The following KCNIP4 variants were observed in gnomAD, a reference collection of about 807,000 sequenced individuals.
KCNIP4 encodes potassium voltage-gated channel interacting protein 4.
KCNIP4 carries 12 observed loss-of-function variants against 34.0 expected under a neutral mutation model. The observed-to-expected ratio is 0.35, with a 90% confidence interval of 0.23 to 0.57. The LOEUF is 0.57. Ranked by LOEUF, KCNIP4 falls within the 20% of genes least tolerant of loss-of-function variation. The pLI is 0.83. For missense variants in KCNIP4, 238 were observed against 311.7 expected, an observed-to-expected ratio of 0.76 and a Z score of 1.78; for synonymous variants, 124 against 102.2, an observed-to-expected ratio of 1.21 and a Z score of -1.29.
In KCNIP4 at chr4:21,400,488, C is replaced by CTCTCCTCTCT. The variant is rs945392438; in HGVS notation, c.62-517780_62-517779insAGAGAGGAGA. On this transcript the variant is annotated intron_variant, in intron 1 of 8. Transcript: ENST00000382152. ...TGTTCCTCTCCTCTCCTCTCCTCTCCTCTCCCCTCCCTTCCCCTCCCTTCC... is the reference window on the plus strand; with the variant it reads ...TGTTCCTCTCCTCTCCTCTCCTCTCCTCTCCTCTCTTCTCCCCTCCCTTCCCCTCCCTTCC... 4.0e-4 allele frequency among the ~76,000 whole-genome samples: 48 copies of CTCTCCTCTCT among 120,064 alleles called. 5 individuals are homozygous for CTCTCCTCTCT. The highest frequency in any genetic ancestry group is 2.1e-3 in the African/African-American group (47 of 22,234). 78.8% of individuals were successfully genotyped at this position (120,064 alleles called of 152,430 possible). A position where few individuals can be genotyped will look rare whatever the true frequency, so the allele number is the denominator to read the frequency against.
intron 1 of KCNIP4, among the ~76,000 whole-genome samples, chr4:20,924,384 A>G (rs1777909414): frequency 6.6e-6 from 1 of 152,214 alleles, no homozygotes; most frequent in African/African-American, 2.4e-5. Flanking sequence ...GAACTTTGAG[A>G]TGCTCATGAT....
intron 1 of KCNIP4, among the ~76,000 whole-genome samples, chr4:21,616,147 C>T (rs893813964): frequency 1.3e-5 from 2 of 152,202 alleles, no homozygotes; most frequent in African/African-American, 4.8e-5. Flanking sequence ...CCTCTTGCAT[C>T]TTCATCATGC....
At chr4:21,811,022 T>C (rs1270097579) in intron 1 of KCNIP4, among the ~76,000 whole-genome samples, 1 of 152,196 alleles carries the variant, frequency 6.6e-6, no homozygotes, top group Non-Finnish European at 1.5e-5. Context: ...CACTTTACTC[T>C]TACTATAAGG....
intron 1 of KCNIP4, among the ~76,000 whole-genome samples, chr4:21,430,759 G>A (rs1218536111): frequency 7.2e-6 from 1 of 139,284 alleles, no homozygotes; most frequent in Non-Finnish European, 1.5e-5. Flanking sequence ...CTTACCCAAG[G>A]TCATTGAGGT....
At chr4:21,105,445 T>G (rs910813015) in intron 1 of KCNIP4, among the ~76,000 whole-genome samples, 5 of 151,730 alleles carry the variant, frequency 3.3e-5, no homozygotes, top group African/African-American at 9.8e-5. Context: ...CACATCAATT[T>G]TGTATCCTGA....
chr4:21,234,502 T>C (rs1460320493), intron 1 of KCNIP4, among the ~76,000 whole-genome samples: 1 of 122,898 alleles, frequency 8.1e-6, no homozygotes, highest in Non-Finnish European at 1.6e-5. Context: ...TAATATATAT[T>C]ACATATAACG....
chr4:21,427,702 TAGA>T (rs766889298), intron 1 of KCNIP4, among the ~76,000 whole-genome samples: 6 of 152,054 alleles, frequency 3.9e-5, no homozygotes, highest in South Asian at 2.1e-4. Context: ...ATGAATACAG[TAGA>T]AGGAGTGAGT....
At chr4:21,670,460 T>C (rs1338919884) in intron 1 of KCNIP4, among the ~76,000 whole-genome samples, 2 of 149,368 alleles carry the variant, frequency 1.3e-5, no homozygotes, top group African/African-American at 4.9e-5. Flanking sequence ...TTGGGAGATA[T>C]ACCTAATGCT....
At chr4:21,099,001 C>T (rs544501715) in intron 1 of KCNIP4, among the ~76,000 whole-genome samples, 9 of 152,252 alleles carry the variant, frequency 5.9e-5, no homozygotes, top group East Asian at 1.9e-4. Context: ...GAAAAAGGAA[C>T]GCTTTTGCAC....
Position 20,903,152 on chromosome 4 carries a change from G to A in KCNIP4, c.62-20443C>T, listed in dbSNP as rs562567346. ...GAGCTAACAAATTCTTAAAAGACAG[G>A]CTGAGAGTTAAGGATCTGAAAACAC... On this transcript the variant is annotated intron_variant, in intron 1 of 8. Transcript: ENST00000382152. 7.9e-5 allele frequency among the ~76,000 whole-genome samples: 12 copies of A among 152,236 alleles called. No individual in the cohort carries two copies. In the South Asian group the frequency reaches 8.3e-4, roughly 11 times the overall value.
chr4:20,916,304 G>A, intron 1 of KCNIP4: 1 of 984,004 alleles, frequency 1.0e-6, no homozygotes, highest in Non-Finnish European at 1.2e-6. Flanking sequence ...CCTCAGAGTG[G>A]CTTTTTAGAA....
At chr4:21,456,469 C>A (rs981960686) in intron 1 of KCNIP4, among the ~76,000 whole-genome samples, 1 of 148,082 alleles carries the variant, frequency 6.8e-6, no homozygotes, top group Non-Finnish European at 1.5e-5. Context: ...GTACTACCCA[C>A]CTATATATTT....
intron 1 of KCNIP4, among the ~76,000 whole-genome samples, chr4:21,497,760 A>C (rs190002840): frequency 1.1e-4 from 16 of 152,268 alleles, no homozygotes; most frequent in Admixed American, 9.8e-4. Context: ...ATCAATTCAT[A>C]ATTCTACTTA....
intron 3 of KCNIP4, among the ~76,000 whole-genome samples, chr4:20,762,804 A>G (rs1323753503): frequency 6.6e-6 from 1 of 152,214 alleles, no homozygotes; most frequent in African/African-American, 2.4e-5. Flanking sequence ...GTTCATTTCC[A>G]CACTGCTATA....
At chr4:21,788,783 T>C (rs1019863426) in intron 1 of KCNIP4, among the ~76,000 whole-genome samples, 3 of 151,992 alleles carry the variant, frequency 2.0e-5, no homozygotes, top group Non-Finnish European at 4.4e-5. Flanking sequence ...ATTGTAAAAA[T>C]AGTCTAGCTG....
rs1467934947 is a variant in KCNIP4 at position 21,234,454 on chromosome 4, C to T, written c.62-351745G>A. The stretch of plus-strand genomic sequence containing the variant: ...CATATAACGTATATAATATATATTA[C>T]ATATAACGTATATAATATATAGTAC... On this transcript the variant is annotated intron_variant, in intron 1 of 8. Transcript: ENST00000382152. Among the ~76,000 whole-genome samples, 30 of 125,630 alleles carry T rather than the reference C, an allele frequency of 2.4e-4. 4 individuals carry two copies. The highest frequency in any genetic ancestry group is 3.0e-4 in the African/African-American group (9 of 30,054). The allele number at this position is 125,630 out of a possible 152,430, so 82.4% of individuals were successfully genotyped here. A position where few individuals can be genotyped will look rare whatever the true frequency, so the allele number is the denominator to read the frequency against.
intron 1 of KCNIP4, among the ~76,000 whole-genome samples, chr4:20,964,866 T>A (rs1262805907): frequency 6.6e-6 from 1 of 152,178 alleles, no homozygotes; most frequent in Non-Finnish European, 1.5e-5. Context: ...CAGAGTAAGA[T>A]TTCTTTATTA....
At chr4:21,127,356 C>A (rs1378318477) in intron 1 of KCNIP4, among the ~76,000 whole-genome samples, 1 of 152,220 alleles carries the variant, frequency 6.6e-6, no homozygotes, top group African/African-American at 2.4e-5. Flanking sequence ...TTAATTCCTT[C>A]TTTTGGGGTT....
chr4:21,197,261 T>C (rs992226350), intron 1 of KCNIP4, among the ~76,000 whole-genome samples: 1 of 152,200 alleles, frequency 6.6e-6, no homozygotes, highest in Non-Finnish European at 1.5e-5. Context: ...TATTTTCTTT[T>C]GGGTATATAA....
Sources: allele counts gnomAD v4.1 joint callset (sites outside exome capture counted in the v4.1 genomes callset), GRCh38; gene constraint gnomAD v4.1.1; transcripts MANE v1.5; gene names NCBI Gene and HGNC (gene_info 2026-07-23, HGNC 2026-07-21).